The following KCNN2 variants were observed in gnomAD, a reference collection of about 807,000 sequenced individuals.
KCNN2 encodes potassium calcium-activated channel subfamily N member 2.
KCNN2 carries 24 observed loss-of-function variants against 55.5 expected under a neutral mutation model. The observed-to-expected ratio is 0.43, with a 90% CI of 0.31 to 0.61. KCNN2 has a LOEUF of 0.61. Among genes scored for constraint, KCNN2 ranks in the 20% least tolerant of loss-of-function variants. The pLI, the probability that KCNN2 is intolerant of heterozygous loss-of-function variation, is 0.08. For synonymous variants in KCNN2, 431 were observed against 336.1 expected, an observed-to-expected ratio of 1.28 and a Z score of -3.09; for missense variants, 754 against 853.6, an observed-to-expected ratio of 0.88 and a Z score of 1.45.
chr5:114,288,898 A>T (rs1045181785), intron 2 of KCNN2, among the ~76,000 whole-genome samples: 1 of 151,908 alleles, frequency 6.6e-6, no homozygotes, highest in Non-Finnish European at 1.5e-5. Flanking sequence ...TTCATTGCTT[A>T]TGCTTTTGGT....
intron 1 of KCNN2, among the ~76,000 whole-genome samples, chr5:114,070,120 G>A (rs903454538): frequency 5.3e-5 from 8 of 152,154 alleles, no homozygotes; most frequent in African/African-American, 1.7e-4. Context: ...CAGTGTGCAC[G>A]ACCATTGCTT....
intron 3 of KCNN2, among the ~76,000 whole-genome samples, chr5:114,430,504 G>A (rs1301185710): frequency 6.6e-6 from 1 of 151,940 alleles, no homozygotes; most frequent in Non-Finnish European, 1.5e-5. Context: ...CAGTGTTCTT[G>A]TCCCTTCCTT....
chr5:114,093,553 C>G lies in KCNN2; in HGVS notation c.-271+37053C>G, dbSNP rs188144761. The stretch of plus-strand genomic sequence containing the variant: ...TACTGCTATAAAAAACTGCCCAAGT[C>G]TGGGTAATTTATAAAAGAAAGAGGT... On this transcript the variant is annotated intron_variant, in intron 1 of 10. Transcript: ENST00000512097. Among the ~76,000 whole-genome samples the G allele has an allele frequency of 6.9e-3, 1,053 of 152,288 alleles. 18 individuals are homozygous for G. Among genetic ancestry groups the G allele is most frequent in the African/African-American group, 0.025 (1,027 of 41,546 alleles).
In KCNN2 at chr5:114,112,203, T is replaced by C. The variant is rs186143852; in HGVS notation, c.-271+55703T>C. Among the ~76,000 whole-genome samples, 4 of 152,238 alleles carry C rather than the reference T, an allele frequency of 2.6e-5. No individual in the cohort carries two copies. The East Asian group carries it at 7.7e-4, about 29-fold the overall frequency. ...GGGACATGGATGAAGCTGGAAACCATCATTTTCAGCAAACTATCACAACGG... is the reference window on the plus strand; with the variant it reads ...GGGACATGGATGAAGCTGGAAACCACCATTTTCAGCAAACTATCACAACGG... On this transcript the variant is annotated intron_variant, in intron 1 of 10. Transcript: ENST00000512097.
intron 3 of KCNN2, among the ~76,000 whole-genome samples, chr5:114,438,441 T>C (rs935377832): frequency 6.6e-6 from 1 of 152,144 alleles, no homozygotes; most frequent in African/African-American, 2.4e-5. Flanking sequence ...AAAAAATATA[T>C]TTCTGTTGCA....
chr5:114,474,833 AG>A (rs1193809479), intron 5 of KCNN2, among the ~76,000 whole-genome samples: 1 of 152,156 alleles, frequency 6.6e-6, no homozygotes, highest in East Asian at 1.9e-4. Context: ...TTAAGATATT[AG>A]GGAGAAAAAT....
chr5:114,439,869 A>G (rs1760145012), intron 3 of KCNN2, among the ~76,000 whole-genome samples: 2 of 152,202 alleles, frequency 1.3e-5, no homozygotes, highest in African/African-American at 4.8e-5. Context: ...CCTAAAGAAT[A>G]TGTAACCAAA....
At chr5:114,176,934 T>C (rs1200184984) in intron 1 of KCNN2, among the ~76,000 whole-genome samples, 1 of 152,160 alleles carries the variant, frequency 6.6e-6, no homozygotes, top group African/African-American at 2.4e-5. Flanking sequence ...GTGCAACCTC[T>C]TCTTTACTTC....
intron 1 of KCNN2, among the ~76,000 whole-genome samples, chr5:114,156,714 G>A (rs1029885874): frequency 6.6e-6 from 1 of 151,958 alleles, no homozygotes; most frequent in East Asian, 1.9e-4. Flanking sequence ...CTGGTGATTT[G>A]TGCACATTGA....
chr5:114,475,064 T>TAAGAGTTAGAAAAGACA (rs372729589), intron 5 of KCNN2, among the ~76,000 whole-genome samples: 2 of 152,188 alleles, frequency 1.3e-5, no homozygotes, highest in Non-Finnish European at 2.9e-5. Flanking sequence ...TAAAACATTT[T>TAAGAGTTAGAAAAGACA]AAGAGTTAGA....
At chr5:114,474,640 A>T (rs955520513) in intron 5 of KCNN2, among the ~76,000 whole-genome samples, 2 of 152,166 alleles carry the variant, frequency 1.3e-5, no homozygotes, top group Admixed American at 6.5e-5. Flanking sequence ...ATTGGAGCAG[A>T]TGTTTTGTGT....
chr5:114,060,008 G>T (rs1387043335), intron 1 of KCNN2, among the ~76,000 whole-genome samples: 2 of 152,242 alleles, frequency 1.3e-5, no homozygotes, highest in Non-Finnish European at 2.9e-5. Context: ...CAGGTAATTA[G>T]CTCGGCACTG....
At chr5:114,359,096 G>T (rs1240827070), upstream of KCNN2, among the ~76,000 whole-genome samples, 2 of 152,134 alleles carry the variant, frequency 1.3e-5, no homozygotes, top group African/African-American at 4.8e-5. Context: ...GTAATCAGTT[G>T]ATTTCTTAAC....
chr5:114,067,464 A>G (rs111372253), intron 1 of KCNN2, among the ~76,000 whole-genome samples: 2 of 152,350 alleles, frequency 1.3e-5, no homozygotes, highest in African/African-American at 2.4e-5. Flanking sequence ...TTGTCTATGC[A>G]TCTTTAATCT....
intron 2 of KCNN2, among the ~76,000 whole-genome samples, chr5:114,337,022 TA>T (rs1756934466): frequency 6.6e-6 from 1 of 152,146 alleles, no homozygotes; most frequent in Non-Finnish European, 1.5e-5. Context: ...TGATTTTTGA[TA>T]TTTTTTTAAA....
chr5:114,237,713 G>A (rs941465489), intron 2 of KCNN2, among the ~76,000 whole-genome samples: 3 of 152,120 alleles, frequency 2.0e-5, no homozygotes, highest in African/African-American at 7.2e-5. Flanking sequence ...AATGTTTTAT[G>A]ATTATGCATT....
intron 3 of KCNN2, among the ~76,000 whole-genome samples, chr5:114,436,398 G>T (rs950818865): frequency 1.3e-5 from 2 of 152,012 alleles, no homozygotes; most frequent in Admixed American, 1.3e-4. Context: ...TCCCCTTATG[G>T]AATCATTAAA....
At chr5:114,442,198 A>G (rs1268063866) in intron 3 of KCNN2, among the ~76,000 whole-genome samples, 2 of 151,668 alleles carry the variant, frequency 1.3e-5, no homozygotes, top group Non-Finnish European at 2.9e-5. Flanking sequence ...TGGGGAAGAG[A>G]CATCCCTCTC....
chr5:114,364,091 C>A, intron 2 of KCNN2, 90 bp downstream of exon 2: 1 of 903,890 alleles, frequency 1.1e-6, no homozygotes, highest in Non-Finnish European at 1.8e-6. Flanking sequence ...TTCAAGCCAT[C>A]ATGTCCTTGC....
Sources: gnomAD v4.1 joint callset for allele counts (sites outside exome capture counted in the v4.1 genomes callset) on GRCh38, gnomAD v4.1.1 for gene constraint, MANE v1.5 for transcripts, NCBI Gene and HGNC (gene_info 2026-07-23, HGNC 2026-07-21) for gene names.